EPSTI1: variants seen among roughly 807,000 people sequenced by gnomAD.
EPSTI1 encodes the protein epithelial stromal interaction 1.
EPSTI1 carries 66 observed loss-of-function variants against 49.9 expected under a neutral mutation model. The ratio of observed to expected loss-of-function variants is 1.32; its 90% CI spans 1.08 to 1.62. The LOEUF (loss-of-function observed/expected upper bound fraction) is 1.62. Among genes scored for constraint, EPSTI1 ranks in the 40% most tolerant of loss-of-function variants. The pLI, the probability that EPSTI1 is intolerant of heterozygous loss-of-function variation, is 0.00. For synonymous variants in EPSTI1, 137 were observed against 130.7 expected (o/e 1.05, Z -0.33); for missense variants, 394 against 365.5 (o/e 1.08, Z -0.64).
chr13:42,916,864 C>T (rs116236725), intron 8 of EPSTI1, among the ~76,000 whole-genome samples: 1,753 of 152,222 alleles, frequency 0.012, 40 homozygotes, highest in African/African-American at 0.04. Context: ...ATGGGTCTTT[C>T]TCATCATTCT....
At chr13:42,966,800 G>A (rs1311794245) in intron 3 of EPSTI1, among the ~76,000 whole-genome samples, 2 of 86,316 alleles carry the variant, frequency 2.3e-5, no homozygotes, top group East Asian at 6.0e-4. Flanking sequence ...CATTGAGAAC[G>A]GGCCAGGATG....
chr13:42,986,444 G>C (rs767710791), intron 1 of EPSTI1, among the ~76,000 whole-genome samples: 9 of 152,050 alleles, frequency 5.9e-5, no homozygotes, highest in African/African-American at 2.2e-4. Flanking sequence ...CGATTGGGGG[G>C]TTAAAACTTT....
intron 3 of EPSTI1, among the ~76,000 whole-genome samples, chr13:42,964,560 T>C (rs1010634623): frequency 1.3e-5 from 2 of 152,192 alleles, no homozygotes; most frequent in Non-Finnish European, 2.9e-5. Context: ...GCTTTTCTTC[T>C]TCTAACTCTA....
At chr13:42,902,478 T>C (rs1164910965) in intron 8 of EPSTI1, among the ~76,000 whole-genome samples, 2 of 152,218 alleles carry the variant, frequency 1.3e-5, no homozygotes, top group Non-Finnish European at 2.9e-5. Context: ...TTGGCTTATA[T>C]CTTTGCTGCA....
chr13:42,899,785 G>C (rs2037302652), intron 9 of EPSTI1, among the ~76,000 whole-genome samples: 1 of 152,118 alleles, frequency 6.6e-6, no homozygotes, highest in Non-Finnish European at 1.5e-5. Context: ...GTATTCTTAA[G>C]TCTGATATTA....
intron 7 of EPSTI1, among the ~76,000 whole-genome samples, chr13:42,923,666 A>C (rs1179529129): frequency 1.3e-5 from 2 of 152,244 alleles, no homozygotes; most frequent in African/African-American, 4.8e-5. Context: ...AGGTCTGATG[A>C]TGCTGGTACT....
intron 3 of EPSTI1, among the ~76,000 whole-genome samples, chr13:42,967,565 G>C (rs532294161): frequency 5.9e-5 from 9 of 152,164 alleles, no homozygotes; most frequent in Non-Finnish European, 5.9e-5. Context: ...CATCTAAAGG[G>C]ACTTGCCTAT....
intron 1 of EPSTI1, among the ~76,000 whole-genome samples, chr13:42,975,589 G>A (rs1480680629): frequency 1.3e-5 from 2 of 152,114 alleles, no homozygotes; most frequent in Non-Finnish European, 2.9e-5. Flanking sequence ...GATCCCCATG[G>A]CTTACTGAGA....
Position 42,922,417 on chromosome 13 carries a change from T to A in EPSTI1, c.657+3919A>T, listed in dbSNP as rs979310535. On this transcript the variant is annotated intron_variant, in intron 7 of 10. Coordinates refer to ENST00000313624, the MANE Select transcript of EPSTI1 (RefSeq NM_033255.5). This position sits in a 1 kb window ranked among gnomAD's most constrained non-coding sequence, Gnocchi z 4.8. ...AGGAAGGCAGAAAGGTCAGGGAGGGTGCAGAAGGTTGGGTGAGATGGAAGC... is the reference window on the plus strand; with the variant it reads ...AGGAAGGCAGAAAGGTCAGGGAGGGAGCAGAAGGTTGGGTGAGATGGAAGC... Among the ~76,000 whole-genome samples, 4 of 151,776 alleles carry A rather than the reference T, an allele frequency of 2.6e-5. No homozygotes were observed. The highest frequency in any genetic ancestry group is 9.7e-5 in the African/African-American group (4 of 41,178).
chr13:42,989,032 A>ATTTTTTTTT (rs74772535), intron 1 of EPSTI1, among the ~76,000 whole-genome samples: 6 of 96,132 alleles, frequency 6.2e-5, no homozygotes, highest in South Asian at 3.9e-4. Context: ...GATAATTTAA[A>ATTTTTTTTT]TTTTTTTTTT....
At chr13:42,925,232 T>C (rs1055799056) in intron 7 of EPSTI1, among the ~76,000 whole-genome samples, 4 of 152,208 alleles carry the variant, frequency 2.6e-5, no homozygotes, top group Non-Finnish European at 5.9e-5. Flanking sequence ...TTTAGAGCCC[T>C]CCTTCACAAT....
intron 8 of EPSTI1, among the ~76,000 whole-genome samples, chr13:42,905,907 A>T (rs535399086): frequency 9.9e-5 from 15 of 152,284 alleles, no homozygotes; most frequent in Non-Finnish European, 2.1e-4. Flanking sequence ...ACATCTTATC[A>T]CTGTGCTATG....
At chr13:42,918,343 C>G (rs2037897829) in intron 7 of EPSTI1, among the ~76,000 whole-genome samples, 1 of 152,144 alleles carries the variant, frequency 6.6e-6, no homozygotes, top group Non-Finnish European at 1.5e-5. Context: ...TTGTCATATG[C>G]TTTCTCTCCT....
intron 5 of EPSTI1, among the ~76,000 whole-genome samples, chr13:42,958,000 G>A (rs1206204260): frequency 6.6e-6 from 1 of 152,224 alleles, no homozygotes; most frequent in Non-Finnish European, 1.5e-5. Context: ...TCAAAGCCCT[G>A]GGCTCAAGCA....
intron 6 of EPSTI1, chr13:42,934,707 C>A: frequency 5.9e-6 from 1 of 170,134 alleles, no homozygotes; most frequent in South Asian, 1.5e-4. Context: ...TGCCATCAAC[C>A]AGACTACTAA....
At chr13:42,911,932 A>G (rs2037698027) in intron 8 of EPSTI1, among the ~76,000 whole-genome samples, 1 of 152,202 alleles carries the variant, frequency 6.6e-6, no homozygotes, top group Non-Finnish European at 1.5e-5. Context: ...TTTTGAGTAC[A>G]GCTTTACATG....
chr13:42,906,032 G>A (rs1024838277), intron 8 of EPSTI1, among the ~76,000 whole-genome samples: 1 of 152,210 alleles, frequency 6.6e-6, no homozygotes, highest in African/African-American at 2.4e-5. Context: ...CATTGGCCAA[G>A]TGGTATGTGG....
chr13:42,989,833 T>C (rs1239293386), intron 1 of EPSTI1, among the ~76,000 whole-genome samples: 2 of 151,942 alleles, frequency 1.3e-5, no homozygotes, highest in Non-Finnish European at 2.9e-5. Context: ...GACCTCGTGA[T>C]CCGCCCTCCT....
At chr13:42,980,138 A>G (rs900788460) in intron 1 of EPSTI1, among the ~76,000 whole-genome samples, 3 of 152,200 alleles carry the variant, frequency 2.0e-5, no homozygotes. Flanking sequence ...ACATTTTTAG[A>G]AAGAATACTA....
Sources: gnomAD v4.1 joint callset for allele counts (sites outside exome capture counted in the v4.1 genomes callset) on GRCh38, gnomAD v4.1.1 for gene constraint, Gnocchi (gnomAD v3.1) non-coding constraint, MANE v1.5 for transcripts, NCBI Gene and HGNC (gene_info 2026-07-23, HGNC 2026-07-21) for gene names.